The following MYC variants were observed in gnomAD, a reference collection of about 807,000 sequenced individuals.
MYC encodes the protein MYC proto-oncogene, bHLH transcription factor.
MYC carries 1 observed loss-of-function variant against 30.5 expected under a neutral mutation model. The observed-to-expected ratio is 0.03, with a 90% CI of 0.01 to 0.16. MYC has a LOEUF of 0.16. MYC is among the 10% of genes least tolerant of loss of function. The probability of loss-of-function intolerance (pLI) is 1.00; values close to 1 mark genes in which losing one functional copy is unlikely to be tolerated. For missense variants in MYC, 508 were observed against 589.0 expected, an observed-to-expected ratio of 0.86 and a Z score of 1.42; for synonymous variants, 267 against 250.7, an observed-to-expected ratio of 1.07 and a Z score of -0.62.
In MYC at chr8:127,738,253, T is replaced by G. The variant is rs1813639626; in HGVS notation, c.36T>G (p.Pro12=). Residue 12 remains proline (P), a synonymous_variant, in exon 2 of 3, where the codon CCT becomes CCG. Transcript: ENST00000621592. The surrounding 1 kb of genome is among the most constrained non-coding windows in gnomAD (Gnocchi z 7.6). The stretch of plus-strand genomic sequence containing the variant: ...CTTTGTGTGCCCCGCTCCAGCAGCC[T>G]CCCGCGACGATGCCCCTCAACGTTA... 2 of 1,583,030 alleles carry G rather than the reference T, an allele frequency of 1.3e-6. No individual in the cohort carries two copies. The highest frequency in any genetic ancestry group is 1.7e-6 in the Non-Finnish European group (2 of 1,159,812).
intron 2 of MYC, 129 bp downstream of exon 2, chr8:127,739,148 C>A: frequency 9.5e-7 from 1 of 1,051,088 alleles, no homozygotes; most frequent in Non-Finnish European, 1.3e-6. Context: ...GATTTGGGAG[C>A]TCATCACCTC....
At chr8:127,739,370 A>G (rs1318628467) in intron 2 of MYC, among the ~76,000 whole-genome samples, 1 of 152,254 alleles carries the variant, frequency 6.6e-6, no homozygotes, top group Non-Finnish European at 1.5e-5. Flanking sequence ...ATGAATGAGG[A>G]TAAGAGAGGA....
At position 127,741,415 on chromosome 8, in the gene MYC, A is replaced by G. The variant is rs955782808; in HGVS notation, c.*457A>G. On this transcript the variant is annotated 3_prime_UTR_variant, in exon 3 of 3. Coordinates refer to ENST00000621592, the MANE Select transcript of MYC (RefSeq NM_002467.6). ...AAAAAATAAAATAACTGGCAAATAT[A>G]TCATTGAGCCAAATCTTAAGTTGTG... The G allele has an allele frequency of 4.5e-6, 1 of 224,246 alleles. No homozygotes were observed. Among genetic ancestry groups the G allele is most frequent in the East Asian group, 6.6e-5 (1 of 15,114 alleles). 13.9% of individuals were successfully genotyped at this position (224,246 alleles called of 1,614,324 possible). A position where few individuals can be genotyped will look rare whatever the true frequency, so the allele number is the denominator to read the frequency against.
chr8:127,736,372 C>G lies in MYC; in HGVS notation c.-222C>G. On this transcript the variant is annotated 5_prime_UTR_variant, in exon 1 of 3. Transcript: ENST00000621592. The stretch of plus-strand genomic sequence containing the variant: ...CGAATAGGGGGCTTCGCCTCTGGCC[C>G]AGCCCTCCCGCTGATCCCCCAGCCA... 1 of 610,774 alleles carries G rather than the reference C, an allele frequency of 1.6e-6. No homozygotes were observed. 37.8% of individuals were successfully genotyped at this position (610,774 alleles called of 1,614,324 possible).
rs2130084421 is a variant in MYC at position 127,736,687 on chromosome 8, C to A, written c.30+64C>A. 1.9e-6 allele frequency: 3 copies of A among 1,543,952 alleles called. No individual in the cohort carries two copies. In the South Asian group the frequency reaches 3.4e-5, roughly 17 times the overall value. ...TTATCACTTTAATGCTGAGATGAGT[C>A]GAATGCCTAAATAGGGTGTCTTTTC... is the stretch of plus-strand genomic sequence containing the variant. On this transcript the variant is annotated intron_variant, in intron 1 of 2. Transcript: ENST00000621592.
chr8:127,740,251 C>T, intron 2 of MYC, 145 bp from the exon 3 acceptor site: 9 of 874,412 alleles, frequency 1.0e-5, no homozygotes, highest in Non-Finnish European at 1.6e-5. Context: ...GGGCACCAGG[C>T]TTAGATGTGG....
Position 127,740,491 on chromosome 8 carries a change from G to A in MYC, c.898G>A (p.Gly300Arg), listed in dbSNP as rs2130102798. The A allele has an allele frequency of 6.2e-7, 1 of 1,614,064 alleles. No individual in the cohort carries two copies. The highest frequency in any genetic ancestry group is 8.5e-7 in the Non-Finnish European group (1 of 1,180,022). Residue 300 changes from glycine to arginine, a missense_variant, in exon 3 of 3, where the codon GGA becomes AGA. Gly to Arg is a moderately radical substitution (Grantham distance 125). Transcript: ENST00000621592. ...GTCAGAGTCTGGATCACCTTCTGCT[G>A]GAGGCCACAGCAAACCTCCTCACAG...
chr8:127,735,509 G>A (rs1813565628), upstream of MYC: 1 of 399,214 alleles, frequency 2.5e-6, no homozygotes, highest in African/African-American at 2.1e-5. Context: ...TCTAGGCATC[G>A]TTTTCCTCCT....
At chr8:127,737,641 GAAGAA>G (rs920269332) in intron 1 of MYC, among the ~76,000 whole-genome samples, 2 of 141,268 alleles carry the variant, frequency 1.4e-5, no homozygotes, top group Non-Finnish European at 3.1e-5. Flanking sequence ...GCGAGAGAAA[GAAGAA>G]AAGCTGGCAA....
Position 127,741,383 on chromosome 8 carries a change from T to G in MYC, c.*425T>G. 1 of 228,598 alleles carries G rather than the reference T, an allele frequency of 4.4e-6. No homozygotes were observed. Among genetic ancestry groups the G allele is most frequent in the East Asian group, 6.4e-5 (1 of 15,686 alleles). 14.2% of individuals were successfully genotyped at this position (228,598 alleles called of 1,614,324 possible). ...TTTTAAAGTTGATTTTTTTCTATTG[T>G]TTTTAGAAAAAATAAAATAACTGGC... On this transcript the variant is annotated 3_prime_UTR_variant, in exon 3 of 3. Transcript: ENST00000621592.
chr8:127,736,216 T>G, upstream of MYC: 1 of 496,312 alleles, frequency 2.0e-6, no homozygotes, highest in Non-Finnish European at 3.5e-6. Flanking sequence ...AAAGCCGGTT[T>G]TCGGGGCTTT....
Position 127,738,755 on chromosome 8 carries a change from G to T in MYC, c.538G>T (p.Ala180Ser), listed in dbSNP as rs1164555124. ...CAAAGACAGCGGCAGCCCGAACCCCGCCCGCGGCCACAGCGTCTGCTCCAC... is the reference window on the plus strand; with the variant it reads ...CAAAGACAGCGGCAGCCCGAACCCCTCCCGCGGCCACAGCGTCTGCTCCAC... Residue 180 changes from alanine (A) to serine (S), a missense_variant, in exon 2 of 3, where the codon GCC becomes TCC. By Grantham distance (99) the Ala-to-Ser change is moderately conservative. This residue lies in a region of MYC where 364 missense variants were observed against 381.1 expected (regional missense o/e 0.96). Coordinates refer to ENST00000621592, the MANE Select transcript of MYC (RefSeq NM_002467.6). The surrounding 1 kb of genome is among the most constrained non-coding windows in gnomAD (Gnocchi z 7.6). 1.2e-6 allele frequency: 2 copies of T among 1,611,588 alleles called. No homozygotes were observed. Among genetic ancestry groups the T allele is most frequent in the South Asian group, 1.1e-5 (1 of 90,852 alleles).
chr8:127,735,611 A>T (rs1813568134), upstream of MYC: 1 of 397,582 alleles, frequency 2.5e-6, no homozygotes, highest in Non-Finnish European at 4.4e-6. Flanking sequence ...TCTCCCTGGG[A>T]CTCTTGATCA....
upstream of MYC, chr8:127,735,931 T>TTCCCCC: frequency 2.6e-6 from 1 of 386,794 alleles, no homozygotes; most frequent in African/African-American, 2.1e-5. Context: ...CTCCCCACCT[T>TTCCCCC]CCCCACCCTC....
chr8:127,737,143 G>C (rs1448634722), intron 1 of MYC, among the ~76,000 whole-genome samples: 2 of 152,282 alleles, frequency 1.3e-5, no homozygotes, highest in Non-Finnish European at 2.9e-5. Context: ...ACACTGCGGC[G>C]CGTCCCGCCC....
rs530292752 is a variant in MYC, at chr8:127,740,149, G to A, written c.803-247G>A. 3.2e-4 allele frequency among the ~76,000 whole-genome samples: 48 copies of A among 152,014 alleles called. No individual in the cohort carries two copies. The Middle Eastern group carries it at 0.01, about 32-fold the overall frequency. The stretch of plus-strand genomic sequence containing the variant: ...AATTTTTGTAATTTTAGTAGAGATG[G>A]GGTTTCATCGTGTTGGCCAGGATGG... On this transcript the variant is annotated intron_variant, in intron 2 of 2. Transcript: ENST00000621592.
chr8:127,736,201 G>A (rs914971096), upstream of MYC: 57 of 500,870 alleles, frequency 1.1e-4, no homozygotes, highest in South Asian at 1.9e-3. Flanking sequence ...ATCGCGCTGA[G>A]TATAAAAGCC....
Position 127,737,872 on chromosome 8 carries a change from C to T in MYC, c.31-376C>T, listed in dbSNP as rs1040109697. Among the ~76,000 whole-genome samples the T allele has an allele frequency of 1.9e-4, 29 of 152,284 alleles. 1 individual carries two copies. The highest frequency in any genetic ancestry group is 1.5e-5 in the Non-Finnish European group (1 of 68,020). On this transcript the variant is annotated intron_variant, in intron 1 of 2. Coordinates refer to ENST00000621592, the MANE Select transcript of MYC (RefSeq NM_002467.6). ...CCTTCAGGTGGCGCAAAACTTTGTGCCTTGGATTTTGGCAAATTGTTTTCC... is the reference window on the plus strand; with the variant it reads ...CCTTCAGGTGGCGCAAAACTTTGTGTCTTGGATTTTGGCAAATTGTTTTCC...
In MYC at chr8:127,736,638, C is replaced by G. The variant is rs1225096792; in HGVS notation, c.30+15C>G. On this transcript the variant is annotated intron_variant, in intron 1 of 2. Coordinates refer to ENST00000621592, the MANE Select transcript of MYC (RefSeq NM_002467.6). ...TGGAAAACCAGGTAAGCACCGAAGT[C>G]CACTTGCCTTTTAATTTATTTTTTT... The G allele has an allele frequency of 6.2e-7, 1 of 1,613,630 alleles. No homozygotes were observed.
Sources: allele counts gnomAD v4.1 joint callset (sites outside exome capture counted in the v4.1 genomes callset), GRCh38; gene constraint gnomAD v4.1.1; regional missense constraint gnomAD v4.1.1; non-coding constraint Gnocchi (gnomAD v3.1); transcripts MANE v1.5; gene names NCBI Gene and HGNC (gene_info 2026-07-23, HGNC 2026-07-21).